PCNX3: variants seen among roughly 807,000 people sequenced by gnomAD.
PCNX3 encodes pecanex 3, also known as pecanex-like protein 3.
A neutral mutation model predicts 207.2 loss-of-function variants in PCNX3; 58 were observed. The ratio of observed to expected loss-of-function variants is 0.28; its 90% CI spans 0.23 to 0.35. The LOEUF (loss-of-function observed/expected upper bound fraction) is 0.35. Among genes scored for constraint, PCNX3 ranks in the 10% least tolerant of loss-of-function variants. The pLI is 1.00. For synonymous variants in PCNX3, 1,337 were observed against 1,183.5 expected (o/e 1.13, Z -2.66); for missense variants, 2,410 against 2,774.4 (o/e 0.87, Z 2.95).
intron 11 of PCNX3, among the ~76,000 whole-genome samples, chr11:65,622,784 A>T (rs1232681377): frequency 6.7e-6 from 1 of 149,210 alleles, no homozygotes; most frequent in Non-Finnish European, 1.5e-5. Flanking sequence ...TTTTTTTTTT[A>T]GTAGAGATGG....
At chr11:65,631,527 C>T (rs1398589839) in intron 27 of PCNX3, among the ~76,000 whole-genome samples, 2 of 152,102 alleles carry the variant, frequency 1.3e-5, no homozygotes, top group Admixed American at 6.5e-5. Context: ...GGTGTGATGG[C>T]GGGCACCTGT....
At chr11:65,624,661 C>T (rs1855286224) in intron 15 of PCNX3, 80 bp downstream of exon 15, 2 of 1,319,462 alleles carry the variant, frequency 1.5e-6, no homozygotes, top group South Asian at 1.3e-5. Context: ...CTTGGCTCCA[C>T]CCTTGCGGAA....
Position 65,619,825 on chromosome 11 carries a change from A to C in PCNX3, c.1901A>C (p.His634Pro), listed in dbSNP as rs767907450. 5 of 1,604,116 alleles carry C rather than the reference A, an allele frequency of 3.1e-6. No individual in the cohort carries two copies. The highest frequency in any genetic ancestry group is 1.3e-5 in the African/African-American group (1 of 74,856). The stretch of plus-strand genomic sequence containing the variant: ...GCGCTGACGCTGCCCTCTGCGCTGC[A>C]TTTCGCCTCTTCACTGTTGCTCACC... ...SRALTLPSAL[H>P]FASSLLLTRA... Residue 634 changes from histidine (H) to proline (P), a missense_variant, in exon 8 of 35, where the codon CAT (histidine) becomes CCT (proline). Physicochemically the swap from His to Pro is moderately conservative, Grantham distance 77. Around this residue, in one of 8 missense-constraint regions of PCNX3, gnomAD observed 1,104 missense variants for 970.3 expected, o/e 1.14. Coordinates refer to ENST00000355703, the MANE Select transcript of PCNX3 (RefSeq NM_032223.4).
intron 11 of PCNX3, among the ~76,000 whole-genome samples, chr11:65,622,787 A>G (rs1281885068): frequency 6.6e-6 from 1 of 151,190 alleles, no homozygotes; most frequent in Non-Finnish European, 1.5e-5. Flanking sequence ...TTTTTTTAGT[A>G]GAGATGGGGT....
chr11:65,622,657 A>G (rs900467319), intron 11 of PCNX3, among the ~76,000 whole-genome samples: 5 of 152,098 alleles, frequency 3.3e-5, no homozygotes, highest in Admixed American at 2.6e-4. Flanking sequence ...GTGCAGTGGC[A>G]TGATCTCGGC....
At position 65,617,604 on chromosome 11, in the gene PCNX3, G is replaced by A; in HGVS notation, c.482-7G>A. ...TCCTGCTGACACCTCTGGGGCCATG[G>A]TTGCAGACATCAAGGAGCTGGTGCG... On this transcript the variant is annotated splice_region_variant and splice_polypyrimidine_tract_variant and intron_variant, in intron 4 of 34. Transcript: ENST00000355703. The A allele has an allele frequency of 6.2e-7, 1 of 1,612,638 alleles. No homozygotes were observed. The highest frequency in any genetic ancestry group is 8.5e-7 in the Non-Finnish European group (1 of 1,179,454).
intron 5 of PCNX3, 42 bp from the exon 6 acceptor site, chr11:65,617,898 G>A (rs555836066): frequency 2.6e-6 from 4 of 1,530,360 alleles, no homozygotes; most frequent in Non-Finnish European, 3.5e-6. Flanking sequence ...TTGTTTTGCA[G>A]AAAACCCTTT....
chr11:65,619,803 C>A lies in PCNX3; in HGVS notation c.1879C>A (p.Leu627Met). ...CCGGGCTGCCTCCCACTCCCGGGCGCTGACGCTGCCCTCTGCGCTGCATTT... is the reference window on the plus strand; with the variant it reads ...CCGGGCTGCCTCCCACTCCCGGGCGATGACGCTGCCCTCTGCGCTGCATTT... ...RGRAASHSRA[L>M]TLPSALHFAS... is the part of the protein sequence containing the mutation. Residue 627 changes from leucine (L) to methionine (M), a missense_variant, in exon 8 of 35, where the codon CTG (leucine) becomes ATG (methionine). By Grantham distance (15) the Leu-to-Met change is conservative. Around this residue, in one of 8 missense-constraint regions of PCNX3, gnomAD observed 1,104 missense variants for 970.3 expected, o/e 1.14. Coordinates refer to ENST00000355703, the MANE Select transcript of PCNX3 (RefSeq NM_032223.4). 1.9e-6 allele frequency: 3 copies of A among 1,593,326 alleles called. No homozygotes were observed. Among genetic ancestry groups the A allele is most frequent in the Non-Finnish European group, 2.6e-6 (3 of 1,174,848 alleles).
chr11:65,619,928 G>A lies in PCNX3; in HGVS notation c.2004G>A (p.Glu668=). ...SEGAVHYFYD[E]SGVRRSYTFG... ...GTGCTGTGCACTATTTCTACGATGA[G>A]AGCGGTGAGCCTTTCCCAAGCCCGG... The change falls in exon 8 of 35, where the codon GAG becomes GAA. Residue 668 remains glutamate (E), a synonymous_variant. Coordinates refer to ENST00000355703, the MANE Select transcript of PCNX3 (RefSeq NM_032223.4). 5 of 1,598,378 alleles carry A rather than the reference G, an allele frequency of 3.1e-6. No homozygotes were observed. The highest frequency in any genetic ancestry group is 4.3e-6 in the Non-Finnish European group (5 of 1,169,696).
intron 11 of PCNX3, among the ~76,000 whole-genome samples, chr11:65,622,618 C>T (rs566906921): frequency 2.0e-4 from 30 of 152,282 alleles, no homozygotes; most frequent in East Asian, 1.7e-3. Flanking sequence ...TTTTTTGAGA[C>T]GGAGTCTCTC....
At position 65,635,786 on chromosome 11, in the gene PCNX3, C is replaced by T. The variant is rs759678570; in HGVS notation, c.5442C>T (p.Leu1814=). The T allele has an allele frequency of 3.7e-6, 6 of 1,603,602 alleles. No individual in the cohort carries two copies. The Admixed American group carries it at 6.9e-5, about 18-fold the overall frequency. Residue 1814 remains leucine (L), a synonymous_variant, in exon 32 of 35, where the codon CTC becomes CTT. Transcript: ENST00000355703. The surrounding 1 kb of genome is among the most constrained non-coding windows in gnomAD (Gnocchi z 9.9). ...PISLGAIAHW[L]LRTWERLHKG... is the part of the protein sequence containing the mutation. ...GCCTGGGTGCCATTGCCCACTGGCT[C>T]CTGCGCACCTGGGAGAGGTGAGGCC...
chr11:65,625,930 A>C lies in PCNX3; in HGVS notation c.3255A>C (p.Ala1085=), dbSNP rs749867953. 7 of 1,613,702 alleles carry C rather than the reference A, an allele frequency of 4.3e-6. No individual in the cohort carries two copies. The Middle Eastern group carries it at 6.6e-4, about 152-fold the overall frequency. Residue 1085 remains alanine, a synonymous_variant, in exon 20 of 35, where the codon GCA becomes GCC. Coordinates refer to ENST00000355703, the MANE Select transcript of PCNX3 (RefSeq NM_032223.4). This position sits in a 1 kb window ranked among gnomAD's most constrained non-coding sequence, Gnocchi z 5.6. The stretch of plus-strand genomic sequence containing the variant: ...CGGTGCTGGGTTTCGTGTTGTACGC[A>C]CTGGCTGGGGCCGTGGGCTTCTTCA... ...LKSVLGFVLY[A]LAGAVGFFTH...
intron 10 of PCNX3, 140 bp from the exon 11 acceptor site, chr11:65,622,105 T>G: frequency 1.4e-6 from 2 of 1,394,730 alleles, no homozygotes; most frequent in Non-Finnish European, 1.9e-6. Context: ...GGCCTTTATG[T>G]GCTGATGGAA....
Position 65,628,751 on chromosome 11 carries a change from TGGGGCAGTGG to T in PCNX3, c.3811+53_3812-54del, listed in dbSNP as rs532378344. On this transcript the variant is annotated intron_variant, in intron 23 of 34. Coordinates refer to ENST00000355703, the MANE Select transcript of PCNX3 (RefSeq NM_032223.4). Reference sequence around the variant, plus strand: ...GGGGTGTGCAGGGAGGGCTGTGGCCTGGGGCAGTGGGGGGTGGTGGGGGGCTGGGAGGTCC... The same window carrying T: ...GGGGTGTGCAGGGAGGGCTGTGGCCTGGGGTGGTGGGGGGCTGGGAGGTCC... 1.8e-5 allele frequency: 7 copies of T among 388,968 alleles called. No individual in the cohort carries two copies. The East Asian group carries it at 3.9e-4, about 22-fold the overall frequency. 24.1% of individuals were successfully genotyped at this position (388,968 alleles called of 1,614,324 possible). A position where few individuals can be genotyped will look rare whatever the true frequency, so the allele number is the denominator to read the frequency against.
At chr11:65,636,067 G>A (rs1003377974) in intron 32 of PCNX3, 107 bp from the exon 33 acceptor site, 4 of 1,475,328 alleles carry the variant, frequency 2.7e-6, no homozygotes, top group Admixed American at 2.0e-5. Context: ...GGATCCTGGG[G>A]CTCAGAGGTG....
chr11:65,617,899 A>G, intron 5 of PCNX3, 41 bp from the exon 6 acceptor site: 2 of 1,532,328 alleles, frequency 1.3e-6, no homozygotes, highest in South Asian at 1.3e-5. Flanking sequence ...TGTTTTGCAG[A>G]AAACCCTTTT....
intron 29 of PCNX3, 58 bp from the exon 30 acceptor site, chr11:65,634,915 C>G (rs1855765524): frequency 6.4e-7 from 1 of 1,569,222 alleles, no homozygotes; most frequent in Admixed American, 1.8e-5. Flanking sequence ...CACTCTGAAG[C>G]CTTACCCCTG....
rs1405566083 is a variant in PCNX3, at chr11:65,636,623, G to C, written c.5826G>C (p.Lys1942Asn). The C allele has an allele frequency of 6.3e-7, 1 of 1,584,080 alleles. No homozygotes were observed. The highest frequency in any genetic ancestry group is 8.6e-7 in the Non-Finnish European group (1 of 1,168,098). Residue 1942 changes from lysine (K) to asparagine (N), a missense_variant, in exon 34 of 35, where the codon AAG becomes AAC. Coordinates refer to ENST00000355703, the MANE Select transcript of PCNX3 (RefSeq NM_032223.4). ...GAAAGTGGAGCCTGGGGGGCCGGAAGGGGCTGGGAGGATCTGACGGGGAGC... is the reference window on the plus strand; with the variant it reads ...GAAAGTGGAGCCTGGGGGGCCGGAACGGGCTGGGAGGATCTGACGGGGAGC... ...PSGKWSLGGR[K>N]GLGGSDGEPA...
chr11:65,633,994 G>T, intron 27 of PCNX3, 132 bp from the exon 28 acceptor site: 2 of 828,306 alleles, frequency 2.4e-6, no homozygotes, highest in Non-Finnish European at 3.7e-6. Context: ...GAGCTGAGAT[G>T]GCTCTAGGAG....
Sources: gnomAD v4.1 joint callset for allele counts (sites outside exome capture counted in the v4.1 genomes callset) on GRCh38, gnomAD v4.1.1 for gene constraint, gnomAD v4.1.1 regional missense constraint, Gnocchi (gnomAD v3.1) non-coding constraint, MANE v1.5 for transcripts, NCBI Gene and HGNC (gene_info 2026-07-23, HGNC 2026-07-21) for gene names.